The following NRXN3 variants were observed in gnomAD, a reference collection of about 807,000 sequenced individuals.
NRXN3 encodes the protein neurexin III.
NRXN3 carries 32 observed loss-of-function variants against 137.6 expected under a neutral mutation model. That is an observed-to-expected ratio of 0.23 (90% CI 0.18 to 0.31). The LOEUF (loss-of-function observed/expected upper bound fraction) is 0.31, where lower values mean the gene tolerates loss of function less well. Among genes scored for constraint, NRXN3 ranks in the 10% least tolerant of loss-of-function variants. The pLI, the probability that NRXN3 is intolerant of heterozygous loss-of-function variation, is 1.00. For missense variants in NRXN3, 1,574 were observed against 2,062.5 expected (o/e 0.76, Z 4.59); for synonymous variants, 798 against 784.5 (o/e 1.02, Z -0.29).
chr14:78,303,547 G>C (rs17828205), intron 4 of NRXN3, among the ~76,000 whole-genome samples: 6,274 of 152,028 alleles, frequency 0.041, 194 homozygotes, highest in Non-Finnish European at 0.058. Flanking sequence ...CAAAGTTTTG[G>C]GTAGATTCTT....
intron 15 of NRXN3, among the ~76,000 whole-genome samples, chr14:79,447,628 A>G (rs916137049): frequency 5.3e-5 from 8 of 152,222 alleles, no homozygotes; most frequent in Non-Finnish European, 1.0e-4. Context: ...AGTCTCTACT[A>G]TACTAGAACC....
chr14:79,534,702 A>G (rs974072184), intron 16 of NRXN3, among the ~76,000 whole-genome samples: 18 of 152,334 alleles, frequency 1.2e-4, no homozygotes, highest in African/African-American at 4.3e-4. Flanking sequence ...AAAAATTATG[A>G]AAAGACCCTG....
At chr14:78,318,808 T>C (rs991927161) in intron 4 of NRXN3, among the ~76,000 whole-genome samples, 5 of 152,212 alleles carry the variant, frequency 3.3e-5, no homozygotes, top group African/African-American at 1.2e-4. Flanking sequence ...CCAAATACCA[T>C]GAGAGCAAAG....
intron 4 of NRXN3, among the ~76,000 whole-genome samples, chr14:78,422,438 C>T (rs902081764): frequency 2.0e-5 from 3 of 152,140 alleles, no homozygotes; most frequent in Non-Finnish European, 4.4e-5. Flanking sequence ...CGAATGAACT[C>T]TTCAATGCAA....
intron 4 of NRXN3, among the ~76,000 whole-genome samples, chr14:78,563,396 G>A (rs143682109): frequency 3.5e-4 from 54 of 152,298 alleles, no homozygotes; most frequent in Non-Finnish European, 6.8e-4. Flanking sequence ...GATGAAAAAC[G>A]TGGTTAATCT....
At chr14:79,330,574 G>C (rs571644863) in intron 15 of NRXN3, among the ~76,000 whole-genome samples, 2 of 152,270 alleles carry the variant, frequency 1.3e-5, no homozygotes, top group East Asian at 3.9e-4. Flanking sequence ...ATGCTTACAA[G>C]GCATTCAAGA....
chr14:79,775,537 G>A (rs1346345753), intron 19 of NRXN3, among the ~76,000 whole-genome samples: 1 of 146,902 alleles, frequency 6.8e-6, no homozygotes, highest in Non-Finnish European at 1.5e-5. Flanking sequence ...GGACTCTAGA[G>A]GATTGGGCTC....
chr14:79,219,254 C>A (rs77228001), intron 15 of NRXN3, among the ~76,000 whole-genome samples: 1 of 152,074 alleles, frequency 6.6e-6, no homozygotes, highest in African/African-American at 2.4e-5. Context: ...TCCTGAGGAG[C>A]TAAGACTATA....
At chr14:79,538,925 C>T (rs2097243371) in intron 16 of NRXN3, among the ~76,000 whole-genome samples, 1 of 152,206 alleles carries the variant, frequency 6.6e-6, no homozygotes, top group Non-Finnish European at 1.5e-5. Context: ...ATTTAACATG[C>T]AATTATTCAT....
At chr14:79,053,405 C>T (rs1358661523) in intron 15 of NRXN3, among the ~76,000 whole-genome samples, 4 of 152,156 alleles carry the variant, frequency 2.6e-5, no homozygotes, top group African/African-American at 9.7e-5. Flanking sequence ...GGATTTGATC[C>T]AGGGCTCCCT....
intron 15 of NRXN3, among the ~76,000 whole-genome samples, chr14:79,299,889 A>C (rs1367083398): frequency 6.6e-6 from 1 of 152,068 alleles, no homozygotes; most frequent in East Asian, 1.9e-4. Flanking sequence ...AAGCCAAGCT[A>C]TATATTGCGG....
chr14:78,809,572 T>C (rs931872659), intron 9 of NRXN3, among the ~76,000 whole-genome samples: 2 of 152,132 alleles, frequency 1.3e-5, no homozygotes, highest in Non-Finnish European at 2.9e-5. Context: ...CTCTAAAATC[T>C]GGGATGGGTG....
chr14:78,781,109 T>G (rs2098767755), intron 8 of NRXN3, among the ~76,000 whole-genome samples: 1 of 152,182 alleles, frequency 6.6e-6, no homozygotes. Flanking sequence ...GAGAGCTACA[T>G]GCAACATTAG....
At chr14:79,274,101 C>CAAAA (rs569693397) in intron 15 of NRXN3, among the ~76,000 whole-genome samples, 1,540 of 74,206 alleles carry the variant, frequency 0.021, 38 homozygotes, top group African/African-American at 0.07. Flanking sequence ...GACTCCGTCT[C>CAAAA]AAAAAAAAAA....
At chr14:79,258,457 G>T (rs1019621811) in intron 15 of NRXN3, among the ~76,000 whole-genome samples, 5 of 151,768 alleles carry the variant, frequency 3.3e-5, no homozygotes, top group African/African-American at 1.2e-4. Flanking sequence ...TGCCCATCTC[G>T]GCCTCCCAAA....
chr14:79,394,654 T>C (rs1385090271), intron 15 of NRXN3, among the ~76,000 whole-genome samples: 1 of 152,166 alleles, frequency 6.6e-6, no homozygotes, highest in Non-Finnish European at 1.5e-5. Context: ...TCAGAACCTT[T>C]TGAGACAGGG....
At chr14:78,922,398 T>G (rs74069211) in intron 10 of NRXN3, among the ~76,000 whole-genome samples, 2,812 of 152,310 alleles carry the variant, frequency 0.018, 81 homozygotes, top group African/African-American at 0.064. Context: ...GTTTCTAAAA[T>G]ATCTTTTCTA....
chr14:79,599,099 C>T (rs769327887), intron 16 of NRXN3, among the ~76,000 whole-genome samples: 4 of 152,232 alleles, frequency 2.6e-5, no homozygotes, highest in South Asian at 2.1e-4. Context: ...TATTCAGTAC[C>T]GAGCTCCCTT....
rs962788855 is a variant in NRXN3, at chr14:79,768,958, G to C, written c.4015-36154G>C. ...CTGATGGAGCTGAAAACCAAGGCTC[G>C]AGAACTACGTGAAGAACGCAGAAGC... On this transcript the variant is annotated intron_variant, in intron 19 of 20. Coordinates refer to ENST00000335750, the MANE Select transcript of NRXN3 (RefSeq NM_001330195.2). Among the ~76,000 whole-genome samples the C allele has an allele frequency of 4.0e-4, 60 of 151,538 alleles. No individual in the cohort carries two copies. In the South Asian group the frequency reaches 6.7e-3, roughly 17 times the overall value.
Sources: gnomAD v4.1 joint callset for allele counts (sites outside exome capture counted in the v4.1 genomes callset) on GRCh38, gnomAD v4.1.1 for gene constraint, MANE v1.5 for transcripts, NCBI Gene and HGNC (gene_info 2026-07-23, HGNC 2026-07-21) for gene names.